The following TENM2 variants were observed in gnomAD, a reference collection of about 807,000 sequenced individuals.
The protein encoded by TENM2 is teneurin transmembrane protein 2.
Under a neutral mutation model 245.2 loss-of-function variants are expected in TENM2, and 52 were observed. That is an observed-to-expected ratio of 0.21 (90% CI 0.17 to 0.27). TENM2 has a LOEUF of 0.27. TENM2 is among the 10% of genes least tolerant of loss of function. TENM2 has a pLI of 1.00. For missense variants in TENM2, 3,046 were observed against 3,666.8 expected (o/e 0.83, Z 4.37); for synonymous variants, 1,363 against 1,438.9 (o/e 0.95, Z 1.19).
chr5:167,507,635 TC>T (rs1451794271), intron 2 of TENM2, among the ~76,000 whole-genome samples: 1 of 152,080 alleles, frequency 6.6e-6, no homozygotes, highest in African/African-American at 2.4e-5. Flanking sequence ...AATAATGGCT[TC>T]CCCCTTCAAC....
intron 2 of TENM2, among the ~76,000 whole-genome samples, chr5:167,622,024 G>C (rs1351432341): frequency 6.6e-6 from 1 of 152,154 alleles, no homozygotes; most frequent in Non-Finnish European, 1.5e-5. Context: ...AGAGACTCCT[G>C]CTGACAGCTG....
At chr5:168,235,708 G>A (rs184708171) in intron 25 of TENM2, among the ~76,000 whole-genome samples, 7 of 152,234 alleles carry the variant, frequency 4.6e-5, no homozygotes, top group Admixed American at 3.3e-4. Flanking sequence ...TTCGGAGGCT[G>A]AGGCAATAGA....
chr5:168,205,928 G>A (rs986649491), intron 19 of TENM2, among the ~76,000 whole-genome samples: 1 of 152,188 alleles, frequency 6.6e-6, no homozygotes, highest in Non-Finnish European at 1.5e-5. Context: ...AAGCTGCAGC[G>A]ATTGTCCAGG....
chr5:167,603,173 T>A (rs138871221), intron 2 of TENM2, among the ~76,000 whole-genome samples: 4 of 152,280 alleles, frequency 2.6e-5, no homozygotes, highest in Non-Finnish European at 5.9e-5. Context: ...TCATTTGTTC[T>A]TGTTAGGGGC....
intron 1 of TENM2, among the ~76,000 whole-genome samples, chr5:167,329,249 A>G (rs1176095872): frequency 2.0e-5 from 3 of 152,014 alleles, no homozygotes; most frequent in African/African-American, 7.2e-5. Flanking sequence ...AAAATTTTTA[A>G]AGAGAAGGGT....
the TENM2 span, among the ~76,000 whole-genome samples, chr5:167,087,354 C>G: frequency 2.0e-5 from 3 of 152,176 alleles, no homozygotes; most frequent in Non-Finnish European, 4.4e-5. Flanking sequence ...TAGAGTTGTA[C>G]AGTTCACAAG....
At chr5:167,404,743 T>C (rs1358366881) in intron 2 of TENM2, among the ~76,000 whole-genome samples, 1 of 152,182 alleles carries the variant, frequency 6.6e-6, no homozygotes, top group Non-Finnish European at 1.5e-5. Context: ...TGTTTCTTCA[T>C]GTTCCTCCTG....
At chr5:167,167,457 T>C in the TENM2 span, among the ~76,000 whole-genome samples, 1 of 152,164 alleles carries the variant, frequency 6.6e-6, no homozygotes, top group African/African-American at 2.4e-5. Flanking sequence ...TCCGGATCAC[T>C]CTTTCTGGCA....
intron 2 of TENM2, among the ~76,000 whole-genome samples, chr5:167,718,595 C>T (rs1217582955): frequency 6.6e-6 from 1 of 152,188 alleles, no homozygotes. Context: ...TAGTTCAAAA[C>T]AGGTTAAGTG....
chr5:168,199,384 G>C (rs999003160), intron 16 of TENM2, among the ~76,000 whole-genome samples: 1 of 152,206 alleles, frequency 6.6e-6, no homozygotes, highest in African/African-American at 2.4e-5. Context: ...CCTGCAAATT[G>C]CTTTTTGTTC....
chr5:167,906,011 T>C (rs921891257), intron 3 of TENM2, among the ~76,000 whole-genome samples: 1 of 152,176 alleles, frequency 6.6e-6, no homozygotes, highest in African/African-American at 2.4e-5. Context: ...TAGAGCACTT[T>C]CATCTAGCTT....
chr5:167,941,424 G>C (rs1040621047), intron 3 of TENM2, among the ~76,000 whole-genome samples: 2 of 152,152 alleles, frequency 1.3e-5, no homozygotes, highest in Admixed American at 6.5e-5. Flanking sequence ...AAAAATAAGT[G>C]CACTGATTAT....
At chr5:167,798,658 C>T (rs1765487781) in intron 2 of TENM2, among the ~76,000 whole-genome samples, 1 of 152,140 alleles carries the variant, frequency 6.6e-6, no homozygotes, top group South Asian at 2.1e-4. Context: ...TTGCCTAGGG[C>T]CGGCCCTGCT....
chr5:167,279,438 GTTTC>G, the TENM2 span, among the ~76,000 whole-genome samples: 16 of 151,936 alleles, frequency 1.1e-4, no homozygotes, highest in Non-Finnish European at 1.2e-4. Flanking sequence ...TAGTTAGTTA[GTTTC>G]TTTCTTTCTA....
chr5:167,948,194 G>A (rs1308847304), intron 3 of TENM2, among the ~76,000 whole-genome samples: 1 of 152,182 alleles, frequency 6.6e-6, no homozygotes, highest in Admixed American at 6.5e-5. Context: ...GATATGCCAA[G>A]GTTTTTCACT....
Position 167,537,159 on chromosome 5 carries a change from C to A in TENM2, c.502+161686C>A, listed in dbSNP as rs372612954. Among the ~76,000 whole-genome samples the A allele has an allele frequency of 3.4e-5, 5 of 148,998 alleles. No homozygotes were observed. In the South Asian group the frequency reaches 1.1e-3, roughly 32 times the overall value. On this transcript the variant is annotated intron_variant, in intron 2 of 28. Transcript: ENST00000518659. The stretch of plus-strand genomic sequence containing the variant: ...GGGTATGGTGGATCATGCCTGTAAT[C>A]ATAGCACTTTGGGAGGCCGAGGTGG...
Position 168,247,995 on chromosome 5 carries a change from C to T in TENM2, c.7056C>T (p.Gly2352=). ...CCTCACTGTACTACGACCTCCAGGG[C>T]CACCTCTTTGCCATGGAGAGCAGCA... Residue 2352 remains glycine, a synonymous_variant, in exon 27 of 29, where the codon GGC becomes GGT. Transcript: ENST00000518659. This position sits in a 1 kb window ranked among gnomAD's most constrained non-coding sequence, Gnocchi z 7.8. 1 of 1,613,972 alleles carries T rather than the reference C, an allele frequency of 6.2e-7. No individual in the cohort carries two copies. Among genetic ancestry groups the T allele is most frequent in the East Asian group, 2.2e-5 (1 of 44,876 alleles).
the TENM2 span, among the ~76,000 whole-genome samples, chr5:167,027,202 G>A: frequency 6.6e-6 from 1 of 152,136 alleles, no homozygotes; most frequent in African/African-American, 2.4e-5. Context: ...ATTTTCAGAG[G>A]ATGTAAATTA....
intron 2 of TENM2, among the ~76,000 whole-genome samples, chr5:167,421,586 G>C (rs1266910736): frequency 6.6e-6 from 1 of 152,134 alleles, no homozygotes; most frequent in Non-Finnish European, 1.5e-5. Flanking sequence ...GACAGAGTGT[G>C]GACGTTGGCG....
Sources: allele counts gnomAD v4.1 joint callset (sites outside exome capture counted in the v4.1 genomes callset), GRCh38; gene constraint gnomAD v4.1.1; non-coding constraint Gnocchi (gnomAD v3.1); transcripts MANE v1.5; gene names NCBI Gene and HGNC (gene_info 2026-07-23, HGNC 2026-07-21).